Variants in MSH4 observed in about 807,000 individuals in gnomAD.
MSH4 encodes the protein mutS protein homolog 4.
In MSH4, 106 loss-of-function variants were observed where a neutral mutation model predicts 113.7. That is an observed-to-expected ratio of 0.93 (90% CI 0.80 to 1.10). MSH4 has a LOEUF of 1.10. Ranked by LOEUF, MSH4 falls within the 50% of genes least tolerant of loss-of-function variation. MSH4 has a pLI of 0.00. For missense variants in MSH4, 1,061 were observed against 1,093.7 expected (o/e 0.97, Z 0.42); for synonymous variants, 368 against 380.2 (o/e 0.97, Z 0.37).
At chr1:75,884,880 G>T (rs1046783771) in intron 15 of MSH4, among the ~76,000 whole-genome samples, 1 of 151,070 alleles carries the variant, frequency 6.6e-6, no homozygotes. Context: ...AATTTCCTTC[G>T]CCTTATAAGA....
intron 19 of MSH4, among the ~76,000 whole-genome samples, chr1:75,905,314 G>A (rs531376856): frequency 5.7e-4 from 86 of 151,344 alleles, no homozygotes; most frequent in African/African-American, 2.0e-3. Flanking sequence ...TGATTGTTCA[G>A]GGGCATGTTG....
At position 75,815,004 on chromosome 1, in the gene MSH4, T is replaced by C. The variant is rs1650266492; in HGVS notation, c.700-17T>C. 1 of 1,500,210 alleles carries C rather than the reference T, an allele frequency of 6.7e-7. No homozygotes were observed. The highest frequency in any genetic ancestry group is 1.4e-5 in the African/African-American group (1 of 72,448). 92.9% of individuals were successfully genotyped at this position (1,500,210 alleles called of 1,614,324 possible). On this transcript the variant is annotated splice_polypyrimidine_tract_variant and intron_variant, in intron 4 of 19. Coordinates refer to ENST00000263187, the MANE Select transcript of MSH4 (RefSeq NM_002440.4). ...TGGCACTTCAAACTTTATTTTGAAATTAAAACTTCTTTTCAGAATGTTAAT... is the reference window on the plus strand; with the variant it reads ...TGGCACTTCAAACTTTATTTTGAAACTAAAACTTCTTTTCAGAATGTTAAT...
intron 4 of MSH4, among the ~76,000 whole-genome samples, chr1:75,813,836 C>A (rs1360935175): frequency 2.0e-5 from 3 of 150,774 alleles, no homozygotes; most frequent in African/African-American, 7.3e-5. Context: ...CATAGTGAGA[C>A]CCCTCTCTTA....
intron 4 of MSH4, among the ~76,000 whole-genome samples, chr1:75,814,224 G>A (rs184628892): frequency 1.3e-5 from 2 of 149,910 alleles, no homozygotes; most frequent in East Asian, 2.0e-4. Flanking sequence ...AGGCCAATGT[G>A]GGAGAATCAC....
intron 7 of MSH4, among the ~76,000 whole-genome samples, chr1:75,839,757 G>A (rs1298669058): frequency 6.8e-6 from 1 of 147,852 alleles, no homozygotes; most frequent in Non-Finnish European, 1.5e-5. Context: ...GAAAATTTTT[G>A]CAACCTACTC....
chr1:75,884,611 C>T (rs1300285689), intron 15 of MSH4, among the ~76,000 whole-genome samples: 2 of 151,908 alleles, frequency 1.3e-5, no homozygotes, highest in Non-Finnish European at 2.9e-5. Flanking sequence ...CTCTTCCTCT[C>T]CACGCTCCCC....
chr1:75,843,213 A>C (rs1456671275), intron 7 of MSH4, among the ~76,000 whole-genome samples: 1 of 152,134 alleles, frequency 6.6e-6, no homozygotes, highest in African/African-American at 2.4e-5. Context: ...TTTGTATCCA[A>C]TAAATAACAG....
intron 14 of MSH4, among the ~76,000 whole-genome samples, 158 bp downstream of exon 14, chr1:75,881,528 T>G (rs1651932741): frequency 6.6e-6 from 1 of 152,010 alleles, no homozygotes; most frequent in South Asian, 2.1e-4. Flanking sequence ...AAAGTGAGAT[T>G]ACCCTTAAAA....
At chr1:75,814,891 A>AG in intron 4 of MSH4, 130 bp from the exon 5 acceptor site, 1 of 622,818 alleles carries the variant, frequency 1.6e-6, no homozygotes, top group South Asian at 1.9e-5. Flanking sequence ...TAACTAAGAA[A>AG]AGTTCTTATT....
At chr1:75,882,876 A>T (rs575919528) in intron 14 of MSH4, among the ~76,000 whole-genome samples, 13 of 152,224 alleles carry the variant, frequency 8.5e-5, no homozygotes, top group African/African-American at 2.9e-4. Flanking sequence ...AAGCGTACCA[A>T]ATTTGAAATA....
chr1:75,823,655 T>C (rs1311291834), intron 7 of MSH4, among the ~76,000 whole-genome samples: 1 of 152,114 alleles, frequency 6.6e-6, no homozygotes, highest in Non-Finnish European at 1.5e-5. Context: ...GGCCCCAGTG[T>C]GTGATGTTCC....
chr1:75,889,423 G>A, intron 16 of MSH4, 54 bp downstream of exon 16: 2 of 739,056 alleles, frequency 2.7e-6, no homozygotes, highest in Middle Eastern at 4.9e-4. Flanking sequence ...CTCACTAATG[G>A]CCAGTTATCA....
intron 12 of MSH4, among the ~76,000 whole-genome samples, 157 bp from the exon 13 acceptor site, chr1:75,879,893 C>G (rs1433715973): frequency 6.6e-6 from 1 of 152,162 alleles, no homozygotes; most frequent in Admixed American, 6.6e-5. Context: ...TGATCTACCT[C>G]TTACATTTCA....
At chr1:75,807,578 G>T (rs1391259123) in intron 3 of MSH4, among the ~76,000 whole-genome samples, 2 of 152,114 alleles carry the variant, frequency 1.3e-5, no homozygotes, top group African/African-American at 2.4e-5. Context: ...ATGCGTTTTT[G>T]GTTGTACACA....
chr1:75,822,621 G>T, intron 7 of MSH4, 40 bp downstream of exon 7: 1 of 1,059,588 alleles, frequency 9.4e-7, no homozygotes, highest in South Asian at 2.5e-5. Flanking sequence ...ACAAATTATT[G>T]AAAAATACAG....
At chr1:75,893,850 T>G (rs1303870) in intron 17 of MSH4, among the ~76,000 whole-genome samples, 64,933 of 152,004 alleles carry the variant, frequency 0.43, 14,208 homozygotes, top group African/African-American at 0.5. Flanking sequence ...GTGCATTTAA[T>G]GTTGCAACTC....
At chr1:75,912,267 C>T (rs1652802666) in intron 19 of MSH4, among the ~76,000 whole-genome samples, 1 of 152,038 alleles carries the variant, frequency 6.6e-6, no homozygotes, top group South Asian at 2.1e-4. Context: ...CAGAGTAGTA[C>T]TCTTTGGCAT....
chr1:75,904,528 T>C (rs1377712463), intron 19 of MSH4, among the ~76,000 whole-genome samples: 1 of 151,610 alleles, frequency 6.6e-6, no homozygotes, highest in East Asian at 1.9e-4. Flanking sequence ...TTTCTTTTTT[T>C]TTTGACAGGA....
intron 9 of MSH4, among the ~76,000 whole-genome samples, chr1:75,870,712 G>A (rs1178934412): frequency 6.6e-6 from 1 of 152,184 alleles, no homozygotes; most frequent in Non-Finnish European, 1.5e-5. Context: ...ATGTGGAATT[G>A]TGAGTCAATT....
Sources: allele counts gnomAD v4.1 joint callset (sites outside exome capture counted in the v4.1 genomes callset), GRCh38; gene constraint gnomAD v4.1.1; transcripts MANE v1.5; gene names NCBI Gene and HGNC (gene_info 2026-07-23, HGNC 2026-07-21).